The following DNMBP variants were observed in gnomAD, a reference collection of about 807,000 sequenced individuals.
DNMBP encodes the protein dynamin-binding protein.
Under a neutral mutation model 150.0 loss-of-function variants are expected in DNMBP, and 87 were observed. The observed-to-expected ratio is 0.58, with a 90% CI of 0.49 to 0.69. DNMBP has a LOEUF of 0.69. Among genes scored for constraint, DNMBP ranks in the 30% least tolerant of loss-of-function variants. The pLI, the probability that DNMBP is intolerant of heterozygous loss-of-function variation, is 0.00. For missense variants in DNMBP, 1,774 were observed against 1,949.0 expected (o/e 0.91, Z 1.69); for synonymous variants, 711 against 750.4 (o/e 0.95, Z 0.86).
intron 4 of DNMBP, among the ~76,000 whole-genome samples, chr10:99,929,217 GAAA>G (rs397847834): frequency 1.5e-5 from 2 of 135,338 alleles, no homozygotes; most frequent in African/African-American, 5.4e-5. Context: ...GAGACTGAGA[GAAA>G]AAAAAAAAAA....
rs1236356916 is a variant in DNMBP at position 99,899,962 on chromosome 10, C to T, written c.2659G>A (p.Glu887Lys). 5.6e-6 allele frequency: 9 copies of T among 1,614,120 alleles called. No homozygotes were observed. The African/African-American group carries it at 6.7e-5, about 12-fold the overall frequency. Residue 887 changes from glutamate to lysine, a missense_variant, in exon 7 of 17, where the codon GAG (glutamate) becomes AAG (lysine). Glu to Lys is a moderately conservative substitution (Grantham distance 56). This residue lies in a region of DNMBP where 1,430 missense variants were observed against 1,492.5 expected (regional missense o/e 0.96). Transcript: ENST00000324109. The part of the protein sequence containing the change: ...IALLEIYEKD[E>K]KIQKHLQDSL... ...TCCTGAAGATGCTTCTGGATCTTCT[C>T]ATCCTTCTCGTAGATTTCAAGCAGC... is the stretch of plus-strand genomic sequence containing the variant.
chr10:100,000,125 C>T (rs767978201), intron 1 of DNMBP, among the ~76,000 whole-genome samples: 2 of 152,146 alleles, frequency 1.3e-5, no homozygotes, highest in Non-Finnish European at 2.9e-5. Flanking sequence ...AACTGTTCAT[C>T]GTAACAATTC....
At chr10:99,912,548 T>C (rs2039913851) in intron 4 of DNMBP, among the ~76,000 whole-genome samples, 1 of 152,202 alleles carries the variant, frequency 6.6e-6, no homozygotes, top group Admixed American at 6.5e-5. Flanking sequence ...CCAAACACTT[T>C]GGTGTGATTA....
At chr10:99,987,886 C>T (rs2040845051) in intron 1 of DNMBP, among the ~76,000 whole-genome samples, 1 of 152,174 alleles carries the variant, frequency 6.6e-6, no homozygotes, top group Non-Finnish European at 1.5e-5. Flanking sequence ...AACTGGACTA[C>T]TAACTTCCTA....
At chr10:99,990,734 T>C (rs2040878188) in intron 1 of DNMBP, among the ~76,000 whole-genome samples, 1 of 150,646 alleles carries the variant, frequency 6.6e-6, no homozygotes, top group Admixed American at 6.7e-5. Context: ...CAAATATACA[T>C]ATATATGCAC....
chr10:99,967,814 G>A (rs2040635748), intron 3 of DNMBP, among the ~76,000 whole-genome samples: 1 of 152,010 alleles, frequency 6.6e-6, no homozygotes, highest in African/African-American at 2.4e-5. Context: ...TGATGACTGA[G>A]TCATCACAAA....
At position 99,876,940 on chromosome 10, in the gene DNMBP, G is replaced by T; in HGVS notation, c.*211C>A. Reference sequence around the variant, plus strand: ...TCACTAAGTCATTTGCAAAGCCCCAGGGTCCATTTCAAATTCTAGAGATTC... The same window carrying T: ...TCACTAAGTCATTTGCAAAGCCCCATGGTCCATTTCAAATTCTAGAGATTC... On this transcript the variant is annotated 3_prime_UTR_variant, in exon 17 of 17. Coordinates refer to ENST00000324109, the MANE Select transcript of DNMBP (RefSeq NM_015221.4). The T allele has an allele frequency of 2.1e-6, 1 of 476,548 alleles. No individual in the cohort carries two copies. 29.5% of individuals were successfully genotyped at this position (476,548 alleles called of 1,614,324 possible). A position where few individuals can be genotyped will look rare whatever the true frequency, so the allele number is the denominator to read the frequency against.
chr10:99,913,924 T>G (rs2039931951), intron 4 of DNMBP: 3 of 1,306,014 alleles, frequency 2.3e-6, no homozygotes, highest in Non-Finnish European at 2.0e-6. Flanking sequence ...CACTTCCTTC[T>G]GTGCTGGCTC....
At chr10:99,900,203 A>C (rs951269981) in intron 6 of DNMBP, 137 bp from the exon 7 acceptor site, 19 of 833,360 alleles carry the variant, frequency 2.3e-5, no homozygotes, top group Admixed American at 5.4e-5. Context: ...TATCCATCAA[A>C]TAGTAAGAAA....
At chr10:99,895,264 T>C (rs1044184065) in intron 10 of DNMBP, among the ~76,000 whole-genome samples, 14 of 151,962 alleles carry the variant, frequency 9.2e-5, no homozygotes, top group African/African-American at 3.4e-4. Flanking sequence ...ATAGCTGAGA[T>C]TACAGGCTTG....
intron 1 of DNMBP, among the ~76,000 whole-genome samples, chr10:100,000,267 G>T (rs1166254095): frequency 2.6e-5 from 4 of 152,160 alleles, no homozygotes; most frequent in Admixed American, 2.6e-4. Flanking sequence ...GGGGTGTGAG[G>T]CTGGGGAGGT....
rs375722443 is a variant in DNMBP, at chr10:99,957,104, G to C, written c.370C>G (p.Leu124Val). The C allele has an allele frequency of 2.5e-6, 4 of 1,613,946 alleles. No individual in the cohort carries two copies. The African/African-American group carries it at 5.3e-5, about 22-fold the overall frequency. Residue 124 changes from leucine to valine, a missense_variant, in exon 4 of 17, where the codon CTC becomes GTC. Physicochemically the swap from Leu to Val is conservative, Grantham distance 32. Coordinates refer to ENST00000324109, the MANE Select transcript of DNMBP (RefSeq NM_015221.4). The part of the protein sequence containing the change: ...GFFPSSCVRE[L>V]CLSSQSRQWH... Reference sequence around the variant, plus strand: ...TGCCGGCTCTGTGAGGAGAGGCAGAGCTCGCGGACACATGAAGATGGGAAG... The same window carrying C: ...TGCCGGCTCTGTGAGGAGAGGCAGACCTCGCGGACACATGAAGATGGGAAG...
In DNMBP at chr10:99,896,472, C is replaced by T. The variant is rs757563135; in HGVS notation, c.2921-75G>A. 2.8e-6 allele frequency: 4 copies of T among 1,444,072 alleles called. No homozygotes were observed. In the South Asian group the frequency reaches 3.4e-5, roughly 12 times the overall value. 89.5% of individuals were successfully genotyped at this position (1,444,072 alleles called of 1,614,324 possible). The stretch of plus-strand genomic sequence containing the variant: ...AATGAGCCATAAAATGAGATGAACA[C>T]CCAAACGGGAGCTAGTCCTTGTCTT... On this transcript the variant is annotated intron_variant, in intron 9 of 16. Coordinates refer to ENST00000324109, the MANE Select transcript of DNMBP (RefSeq NM_015221.4).
intron 14 of DNMBP, among the ~76,000 whole-genome samples, chr10:99,884,514 T>A (rs1590209795): frequency 6.6e-6 from 1 of 152,184 alleles, no homozygotes; most frequent in Non-Finnish European, 1.5e-5. Context: ...CTAAGTGATA[T>A]TAGTAGGTCT....
At chr10:99,971,611 T>A (rs533053722) in intron 2 of DNMBP, among the ~76,000 whole-genome samples, 1 of 152,096 alleles carries the variant, frequency 6.6e-6, no homozygotes, top group Admixed American at 6.6e-5. Flanking sequence ...AATCTTCACC[T>A]CCTGGGTTCA....
At chr10:99,981,442 A>G (rs532805324) in intron 1 of DNMBP, among the ~76,000 whole-genome samples, 2 of 152,278 alleles carry the variant, frequency 1.3e-5, no homozygotes, top group South Asian at 2.1e-4. Flanking sequence ...TTGGCCTCTC[A>G]AAGAGCTGGG....
At position 99,891,486 on chromosome 10, in the gene DNMBP, C is replaced by T. The variant is rs577035756; in HGVS notation, c.3157-2533G>A. On this transcript the variant is annotated intron_variant, in intron 11 of 16. Coordinates refer to ENST00000324109, the MANE Select transcript of DNMBP (RefSeq NM_015221.4). ...TCGTTCACTCAGTGCTCAATGGTGC[C>T]CAGGCTGGAGTGCAGTGGCGTGATC... Among the ~76,000 whole-genome samples, 590 of 152,128 alleles carry T rather than the reference C, an allele frequency of 3.9e-3. 2 individuals are homozygous for T. Among genetic ancestry groups the T allele is most frequent in the Non-Finnish European group, 6.1e-3 (415 of 67,988 alleles).
chr10:99,983,745 G>A (rs777947349), intron 1 of DNMBP, among the ~76,000 whole-genome samples: 2 of 152,214 alleles, frequency 1.3e-5, no homozygotes, highest in Non-Finnish European at 2.9e-5. Context: ...TGGCTTAGGT[G>A]AGCTGACCAG....
intron 1 of DNMBP, among the ~76,000 whole-genome samples, chr10:99,995,885 G>A (rs1379498900): frequency 9.2e-5 from 14 of 152,250 alleles, no homozygotes; most frequent in Admixed American, 9.2e-4. Context: ...TGCCACGTCA[G>A]GCACAGTAGG....
Sources: allele counts gnomAD v4.1 joint callset (sites outside exome capture counted in the v4.1 genomes callset), GRCh38; gene constraint gnomAD v4.1.1; regional missense constraint gnomAD v4.1.1; transcripts MANE v1.5; gene names NCBI Gene and HGNC (gene_info 2026-07-23, HGNC 2026-07-21).